The following CPAMD8 variants were observed in gnomAD, a reference collection of about 807,000 sequenced individuals.
CPAMD8 encodes the protein C3 and PZP like alpha-2-macroglobulin domain containing 8, also known as C3 and PZP-like alpha-2-macroglobulin domain-containing protein 8.
In CPAMD8, 146 loss-of-function variants were observed where a neutral mutation model predicts 224.7. The ratio of observed to expected loss-of-function variants is 0.65; its 90% CI spans 0.57 to 0.75. The LOEUF is 0.75. CPAMD8 is among the 30% of genes least tolerant of loss of function. The pLI, the probability that CPAMD8 is intolerant of heterozygous loss-of-function variation, is 0.00. For synonymous variants in CPAMD8, 966 were observed against 1,044.6 expected, an observed-to-expected ratio of 0.92 and a Z score of 1.45; for missense variants, 2,301 against 2,537.5, an observed-to-expected ratio of 0.91 and a Z score of 2.00.
At chr19:16,945,122 G>C (rs1318992478) in intron 22 of CPAMD8, among the ~76,000 whole-genome samples, 1 of 152,146 alleles carries the variant, frequency 6.6e-6, no homozygotes, top group Non-Finnish European at 1.5e-5. Context: ...TCATAGCTGG[G>C]GGTCTGCAAG....
Position 16,968,852 on chromosome 19 carries a change from G to T in CPAMD8, c.2213+2039C>A, listed in dbSNP as rs1001950329. On this transcript the variant is annotated intron_variant, in intron 18 of 41. Transcript: ENST00000443236. The stretch of plus-strand genomic sequence containing the variant: ...CAAGGTTTTGCCATGTGCCCAGGCT[G>T]GTCTCAAACTCCTAGGCTCAAGTGA... 2.6e-5 allele frequency among the ~76,000 whole-genome samples: 4 copies of T among 152,064 alleles called. No individual in the cohort carries two copies. The East Asian group carries it at 7.7e-4, about 29-fold the overall frequency.
intron 18 of CPAMD8, among the ~76,000 whole-genome samples, chr19:16,958,645 G>A (rs187817050): frequency 6.6e-6 from 1 of 152,176 alleles, no homozygotes; most frequent in African/African-American, 2.4e-5. Context: ...TCAGTAATGG[G>A]ATTGCTGGCT....
At chr19:16,896,733 G>A (rs1406351757) in intron 39 of CPAMD8, 68 bp from the exon 40 acceptor site, 15 of 1,168,110 alleles carry the variant, frequency 1.3e-5, no homozygotes, top group Middle Eastern at 3.1e-4. Context: ...CAGAACCTGG[G>A]GGTGGGGAAG....
intron 23 of CPAMD8, among the ~76,000 whole-genome samples, chr19:16,934,545 T>C (rs186341686): frequency 6.6e-6 from 1 of 152,286 alleles, no homozygotes; most frequent in East Asian, 1.9e-4. Context: ...GAAATGCTGT[T>C]CATAAAGACT....
intron 25 of CPAMD8, 117 bp from the exon 26 acceptor site, chr19:16,925,489 C>G: frequency 1.3e-6 from 1 of 799,714 alleles, no homozygotes; most frequent in South Asian, 1.6e-5. Flanking sequence ...ACCCAACTGC[C>G]CTTTGGGACT....
Position 16,955,867 on chromosome 19 carries a change from G to A in CPAMD8, c.2276+1986C>T, listed in dbSNP as rs559148852. Reference sequence around the variant, plus strand: ...AATTTAAAAATTTTTTTTAGAGATGGGGCCTTGCTATGTTGCCCAGGCTGG... The same window carrying A: ...AATTTAAAAATTTTTTTTAGAGATGAGGCCTTGCTATGTTGCCCAGGCTGG... On this transcript the variant is annotated intron_variant, in intron 19 of 41. Coordinates refer to ENST00000443236, the MANE Select transcript of CPAMD8 (RefSeq NM_015692.5). 8.6e-5 allele frequency among the ~76,000 whole-genome samples: 13 copies of A among 151,638 alleles called. No homozygotes were observed. The South Asian group carries it at 2.7e-3, about 32-fold the overall frequency.
At chr19:16,900,116 G>A (rs2052192473) in intron 36 of CPAMD8, among the ~76,000 whole-genome samples, 2 of 151,938 alleles carry the variant, frequency 1.3e-5, no homozygotes, top group Non-Finnish European at 1.5e-5. Context: ...AGCCAGAGCC[G>A]GGCAGCAATC....
chr19:16,899,687 T>TC lies in CPAMD8; in HGVS notation c.4774-139dup. 6.4e-6 allele frequency: 4 copies of TC among 623,330 alleles called. No homozygotes were observed. In the South Asian group the frequency reaches 6.7e-5, roughly 11 times the overall value. The allele number at this position is 623,330 out of a possible 1,614,324, so 38.6% of individuals were successfully genotyped here. A position where few individuals can be genotyped will look rare whatever the true frequency, so the allele number is the denominator to read the frequency against. On this transcript the variant is annotated intron_variant, in intron 36 of 41. Transcript: ENST00000443236. The surrounding 1 kb of genome is among the most constrained non-coding windows in gnomAD (Gnocchi z 5.4). Reference sequence around the variant, plus strand: ...CTGGGGTCTGGGTGCTGGTCAGTGCTCCCCAGGCCCTGCCAGCCTCTCAGC... The same window carrying TC: ...CTGGGGTCTGGGTGCTGGTCAGTGCTCCCCCAGGCCCTGCCAGCCTCTCAGC...
At position 16,921,895 on chromosome 19, in the gene CPAMD8, G is replaced by A; in HGVS notation, c.3629+10C>T. On this transcript the variant is annotated intron_variant, in intron 27 of 41. Coordinates refer to ENST00000443236, the MANE Select transcript of CPAMD8 (RefSeq NM_015692.5). ...CCTCAGAGGCAATGCCCAGGGCGGT[G>A]GGGACTCACCACATGCTCCCCGATG... is the stretch of plus-strand genomic sequence containing the variant. 6.5e-7 allele frequency: 1 copy of A among 1,534,422 alleles called. No individual in the cohort carries two copies. The highest frequency in any genetic ancestry group is 8.8e-7 in the Non-Finnish European group (1 of 1,139,530).
Position 16,958,965 on chromosome 19 carries a change from A to G in CPAMD8, c.2214-1050T>C, listed in dbSNP as rs10423851. ...CAGGCGCCTGCCACTACACCCAGCT[A>G]ATTTTGTATTTTTAGTAGAGACGCA... On this transcript the variant is annotated intron_variant, in intron 18 of 41. Coordinates refer to ENST00000443236, the MANE Select transcript of CPAMD8 (RefSeq NM_015692.5). 3.7e-3 allele frequency among the ~76,000 whole-genome samples: 561 copies of G among 151,342 alleles called. 2 individuals are homozygous for G. Among genetic ancestry groups the G allele is most frequent in the African/African-American group, 0.013 (521 of 41,240 alleles).
intron 24 of CPAMD8, 54 bp downstream of exon 24, chr19:16,928,888 G>C: frequency 7.0e-7 from 1 of 1,419,194 alleles, no homozygotes; most frequent in South Asian, 1.3e-5. Flanking sequence ...GAAGCAGCTA[G>C]TATTGGAGGA....
At chr19:16,991,118 G>C (rs1599861076) in intron 12 of CPAMD8, among the ~76,000 whole-genome samples, 1 of 151,876 alleles carries the variant, frequency 6.6e-6, no homozygotes, top group East Asian at 1.9e-4. Flanking sequence ...AAAAACTTTG[G>C]ACACCAAAGC....
intron 23 of CPAMD8, among the ~76,000 whole-genome samples, chr19:16,932,844 A>C (rs2053584671): frequency 1.3e-5 from 2 of 152,394 alleles, no homozygotes; most frequent in East Asian, 3.8e-4. Context: ...CAGGAAGCTC[A>C]GACACCTCCA....
At chr19:16,988,987 CT>C (rs1204887449) in intron 13 of CPAMD8, among the ~76,000 whole-genome samples, 1 of 152,152 alleles carries the variant, frequency 6.6e-6, no homozygotes, top group Non-Finnish European at 1.5e-5. Flanking sequence ...TTGCATGCCC[CT>C]AATGAGAATC....
At chr19:16,979,379 T>TCCATCC (rs2055412103) in intron 14 of CPAMD8, among the ~76,000 whole-genome samples, 1 of 97,008 alleles carries the variant, frequency 1.0e-5, no homozygotes, top group Non-Finnish European at 2.0e-5. Flanking sequence ...TCCATCCATC[T>TCCATCC]GTCCATTCAT....
chr19:16,944,465 G>GT (rs1282098778), intron 22 of CPAMD8, among the ~76,000 whole-genome samples: 2 of 152,160 alleles, frequency 1.3e-5, no homozygotes, highest in African/African-American at 2.4e-5. Flanking sequence ...AATCCCTTCT[G>GT]TAAGGGGAGG....
chr19:16,984,313 CAAAAA>C (rs34428169), intron 13 of CPAMD8, among the ~76,000 whole-genome samples: 1 of 85,232 alleles, frequency 1.2e-5, no homozygotes. Flanking sequence ...GGTCCTATCT[CAAAAA>C]AAAAAAAAAA....
chr19:16,970,238 CAAAAA>C (rs34399675), intron 18 of CPAMD8, among the ~76,000 whole-genome samples: 1 of 92,668 alleles, frequency 1.1e-5, no homozygotes, highest in African/African-American at 4.3e-5. Flanking sequence ...GACTCTGTCT[CAAAAA>C]AAAAAAAAAA....
intron 10 of CPAMD8, among the ~76,000 whole-genome samples, chr19:16,998,445 G>C (rs1402091569): frequency 6.6e-6 from 1 of 152,184 alleles, no homozygotes; most frequent in Non-Finnish European, 1.5e-5. Flanking sequence ...GGGAGACAGA[G>C]AGAGACTCCA....
Sources: allele counts gnomAD v4.1 joint callset (sites outside exome capture counted in the v4.1 genomes callset), GRCh38; gene constraint gnomAD v4.1.1; non-coding constraint Gnocchi (gnomAD v3.1); transcripts MANE v1.5; gene names NCBI Gene and HGNC (gene_info 2026-07-23, HGNC 2026-07-21).